The following C1QTNF3 variants were observed in gnomAD, a reference collection of about 807,000 sequenced individuals.
C1QTNF3 encodes C1q and TNF related 3, also known as complement C1q tumor necrosis factor-related protein 3.
C1QTNF3 carries 26 observed loss-of-function variants against 32.6 expected under a neutral mutation model. That is an observed-to-expected ratio of 0.80 (90% confidence interval 0.58 to 1.11). The LOEUF is 1.11. C1QTNF3 is among the 50% of genes least tolerant of loss of function. The pLI, the probability that C1QTNF3 is intolerant of heterozygous loss-of-function variation, is 0.00. For synonymous variants in C1QTNF3, 155 were observed against 146.0 expected (o/e 1.06, Z -0.44); for missense variants, 362 against 398.2 (o/e 0.91, Z 0.77).
At chr5:34,215,535 G>T in the C1QTNF3 span, among the ~76,000 whole-genome samples, 2 of 152,164 alleles carry the variant, frequency 1.3e-5, no homozygotes, top group African/African-American at 2.4e-5. Flanking sequence ...TAGGTTTAGG[G>T]TTTATTTTGT....
the C1QTNF3 span, among the ~76,000 whole-genome samples, chr5:34,137,058 G>A: frequency 2.6e-5 from 4 of 151,454 alleles, no homozygotes. Context: ...ATGACGAGTT[G>A]ATGGGTGCAG....
At chr5:34,132,319 A>C in the C1QTNF3 span, among the ~76,000 whole-genome samples, 1 of 151,994 alleles carries the variant, frequency 6.6e-6, no homozygotes, top group African/African-American at 2.4e-5. Context: ...CAGGAGGCGG[A>C]GGTTACGGTG....
the C1QTNF3 span, among the ~76,000 whole-genome samples, chr5:34,112,423 G>C: frequency 2.0e-5 from 3 of 151,810 alleles, no homozygotes; most frequent in Admixed American, 2.0e-4. Flanking sequence ...ACATTGGAAG[G>C]CTGAGGCTGG....
chr5:34,111,934 A>T, the C1QTNF3 span, among the ~76,000 whole-genome samples: 26 of 152,346 alleles, frequency 1.7e-4, no homozygotes, highest in African/African-American at 6.0e-4. Context: ...ACACCTAGCC[A>T]CAAGGGAGGC....
At chr5:34,046,011 T>G (rs994417643), upstream of C1QTNF3, among the ~76,000 whole-genome samples, 2 of 152,180 alleles carry the variant, frequency 1.3e-5, no homozygotes, top group African/African-American at 4.8e-5. Context: ...CCAATTAGGT[T>G]TCATAAGTGG....
At chr5:34,236,374 G>C in the C1QTNF3 span, among the ~76,000 whole-genome samples, 6 of 139,618 alleles carry the variant, frequency 4.3e-5, no homozygotes, top group Non-Finnish European at 9.6e-5. Flanking sequence ...CTGGGCAACA[G>C]AGCGAGACTC....
intron 4 of C1QTNF3, among the ~76,000 whole-genome samples, chr5:34,027,244 A>C (rs143608695): frequency 5.2e-4 from 79 of 152,368 alleles, no homozygotes; most frequent in Middle Eastern, 3.4e-3. Flanking sequence ...TGATAAGGCT[A>C]TCAGGAAATA....
At chr5:34,121,935 C>A in the C1QTNF3 span, among the ~76,000 whole-genome samples, 154 of 152,296 alleles carry the variant, frequency 1.0e-3, 1 homozygote, top group African/African-American at 3.3e-3. Context: ...TATGAACCAG[C>A]AAGTAGGCTG....
In C1QTNF3 at chr5:34,033,413, C is replaced by A. The variant is rs2112112829; in HGVS notation, c.461G>T (p.Gly154Val). 6.2e-7 allele frequency: 1 copy of A among 1,614,182 alleles called. No homozygotes were observed. The highest frequency in any genetic ancestry group is 8.5e-7 in the Non-Finnish European group (1 of 1,180,032). ...NGNNGATGHE[G>V]AKGEKGDKGD... ...TTTGTCGCCCTTCTCACCTTTGGCTCCTTCATGACCAGTGGCTCCATTGTT... is the reference window on the plus strand; with the variant it reads ...TTTGTCGCCCTTCTCACCTTTGGCTACTTCATGACCAGTGGCTCCATTGTT... Residue 154 changes from glycine (G) to valine (V), a missense_variant, in exon 3 of 6, where the codon GGA becomes GTA. Gly to Val is a moderately radical substitution (Grantham distance 109). Coordinates refer to ENST00000382065, the MANE Select transcript of C1QTNF3 (RefSeq NM_181435.6).
the C1QTNF3 span, among the ~76,000 whole-genome samples, chr5:34,218,956 A>T: frequency 6.6e-6 from 1 of 152,090 alleles, no homozygotes; most frequent in Non-Finnish European, 1.5e-5. Flanking sequence ...AGAGAAAAAT[A>T]CTTGTGCTCT....
the C1QTNF3 span, among the ~76,000 whole-genome samples, chr5:34,209,693 A>T: frequency 6.6e-6 from 1 of 152,126 alleles, no homozygotes; most frequent in South Asian, 2.1e-4. Context: ...GATGGCTGTT[A>T]AAACTTAATT....
chr5:34,040,455 C>T (rs983769595), intron 1 of C1QTNF3, among the ~76,000 whole-genome samples: 6 of 151,534 alleles, frequency 4.0e-5, no homozygotes, highest in East Asian at 1.9e-4. Flanking sequence ...AATGGGTATC[C>T]GGGAGAAGGA....
intron 3 of C1QTNF3, 128 bp from the exon 4 acceptor site, chr5:34,029,011 A>G: frequency 1.5e-6 from 1 of 681,928 alleles, no homozygotes; most frequent in Non-Finnish European, 2.3e-6. Flanking sequence ...CTATGGAGAG[A>G]GAAACAAATA....
Position 34,018,930 on chromosome 5 carries a change from C to T in C1QTNF3, c.*1653G>A, listed in dbSNP as rs376193332. 1.2e-4 allele frequency among the ~76,000 whole-genome samples: 19 copies of T among 152,080 alleles called. No individual in the cohort carries two copies. The East Asian group carries it at 2.1e-3, about 17-fold the overall frequency. On this transcript the variant is annotated 3_prime_UTR_variant, in exon 6 of 6. Coordinates refer to ENST00000382065, the MANE Select transcript of C1QTNF3 (RefSeq NM_181435.6). ...TCACCTGAGGTCAGGAGTTCCAGACCGGCCTGGTCAACATGGTGAAACCCC... is the reference window on the plus strand; with the variant it reads ...TCACCTGAGGTCAGGAGTTCCAGACTGGCCTGGTCAACATGGTGAAACCCC...
At chr5:34,119,033 A>T in the C1QTNF3 span, among the ~76,000 whole-genome samples, 1 of 152,186 alleles carries the variant, frequency 6.6e-6, no homozygotes, top group Non-Finnish European at 1.5e-5. Context: ...CAAAATTCAG[A>T]GCAACAAAAA....
At chr5:34,043,307 G>C (rs565964050), upstream of C1QTNF3, 3 of 610,440 alleles carry the variant, frequency 4.9e-6, no homozygotes, top group East Asian at 8.3e-5. Flanking sequence ...TCCCCAGGCA[G>C]AACAGCCCCC....
the C1QTNF3 span, among the ~76,000 whole-genome samples, chr5:34,183,488 G>A: frequency 3.4e-5 from 5 of 147,182 alleles, no homozygotes; most frequent in Non-Finnish European, 7.6e-5. Context: ...GCACCACCAT[G>A]CCCGGCGAAT....
chr5:34,028,270 C>T (rs1004766992), intron 4 of C1QTNF3, among the ~76,000 whole-genome samples: 1 of 152,140 alleles, frequency 6.6e-6, no homozygotes, highest in Non-Finnish European at 1.5e-5. Context: ...CCGCGCCGGG[C>T]CTTAACTTTT....
the C1QTNF3 span, among the ~76,000 whole-genome samples, chr5:34,137,862 T>C: frequency 6.6e-6 from 1 of 152,254 alleles, no homozygotes; most frequent in Admixed American, 6.5e-5. Context: ...GGCTGATTTG[T>C]GATCCCCCCA....
Sources: gnomAD v4.1 joint callset for allele counts (sites outside exome capture counted in the v4.1 genomes callset) on GRCh38, gnomAD v4.1.1 for gene constraint, MANE v1.5 for transcripts, NCBI Gene and HGNC (gene_info 2026-07-23, HGNC 2026-07-21) for gene names.